The following DGLUCY variants were observed in gnomAD, a reference collection of about 807,000 sequenced individuals.
The protein encoded by DGLUCY is D-glutamate cyclase, mitochondrial.
Under a neutral mutation model 58.5 loss-of-function variants are expected in DGLUCY, and 58 were observed. That is an observed-to-expected ratio of 0.99 (90% CI 0.80 to 1.23). The LOEUF (loss-of-function observed/expected upper bound fraction) is 1.23, where lower values mean the gene tolerates loss of function less well. Among genes scored for constraint, DGLUCY ranks in the 50% most tolerant of loss-of-function variants. The pLI is 0.00. For missense variants in DGLUCY, 779 were observed against 784.7 expected, an observed-to-expected ratio of 0.99 and a Z score of 0.09; for synonymous variants, 325 against 314.1, an observed-to-expected ratio of 1.03 and a Z score of -0.37.
intron 1 of DGLUCY, among the ~76,000 whole-genome samples, chr14:91,115,657 G>C (rs1222489112): frequency 1.3e-5 from 2 of 152,144 alleles, no homozygotes; most frequent in South Asian, 2.1e-4. Context: ...CCATCCATCC[G>C]GCCTGGCCTC....
chr14:91,096,430 G>A (rs1387558946), intron 1 of DGLUCY, among the ~76,000 whole-genome samples: 2 of 141,714 alleles, frequency 1.4e-5, no homozygotes, highest in African/African-American at 5.1e-5. Flanking sequence ...TCAGGGCCGG[G>A]GGTGGGAAGG....
chr14:91,133,048 C>T (rs1030996669), intron 1 of DGLUCY, among the ~76,000 whole-genome samples: 3 of 152,018 alleles, frequency 2.0e-5, no homozygotes, highest in African/African-American at 4.8e-5. Flanking sequence ...AATCCCAGCA[C>T]TTTGGAAGGC....
upstream of DGLUCY, among the ~76,000 whole-genome samples, chr14:91,104,310 C>T (rs1302202306): frequency 6.6e-6 from 1 of 151,930 alleles, no homozygotes; most frequent in Non-Finnish European, 1.5e-5. Flanking sequence ...GATCCGCCCT[C>T]CTCGGCCTCC....
At chr14:91,165,884 G>A (rs1161564588) in intron 3 of DGLUCY, among the ~76,000 whole-genome samples, 1 of 152,184 alleles carries the variant, frequency 6.6e-6, no homozygotes, top group Non-Finnish European at 1.5e-5. Flanking sequence ...ATGCATGTTT[G>A]TGGCATTAAA....
chr14:91,152,382 G>A (rs1008876060), intron 1 of DGLUCY, among the ~76,000 whole-genome samples: 2 of 152,068 alleles, frequency 1.3e-5, no homozygotes, highest in African/African-American at 2.4e-5. Flanking sequence ...TGATGACAGA[G>A]CAAGACCCTG....
intron 1 of DGLUCY, among the ~76,000 whole-genome samples, chr14:91,068,706 A>G (rs1049662309): frequency 6.6e-6 from 1 of 152,020 alleles, no homozygotes; most frequent in East Asian, 1.9e-4. Context: ...AGATATTTGG[A>G]CTCCCTCTCT....
intron 3 of DGLUCY, among the ~76,000 whole-genome samples, chr14:91,166,587 C>T (rs1015923000): frequency 6.6e-6 from 1 of 152,038 alleles, no homozygotes; most frequent in Non-Finnish European, 1.5e-5. Context: ...ATCACTTGAA[C>T]CCAGGAGGCA....
intron 7 of DGLUCY, among the ~76,000 whole-genome samples, chr14:91,179,487 C>T (rs867058295): frequency 2.6e-5 from 4 of 152,022 alleles, no homozygotes; most frequent in Middle Eastern, 3.4e-3. Flanking sequence ...TGCGGTGGCT[C>T]ACGCCTGTAA....
rs993239550 is a variant in DGLUCY, at chr14:91,060,740, A to G, written c.-82+36A>G. ...CATTCGAGCCGCCTTCGCTGATTGG[A>G]CACAGGGCGCGCGCGTCTGCCAACG... is the stretch of plus-strand genomic sequence containing the variant. On this transcript the variant is annotated intron_variant, in intron 1 of 4. Coordinates refer to the DGLUCY transcript ENST00000521334. The G allele has an allele frequency of 1.2e-5, 3 of 258,822 alleles. No individual in the cohort carries two copies. The East Asian group carries it at 2.0e-4, about 17-fold the overall frequency. 16.0% of individuals were successfully genotyped at this position (258,822 alleles called of 1,614,324 possible). A position where few individuals can be genotyped will look rare whatever the true frequency, so the allele number is the denominator to read the frequency against.
chr14:91,064,193 A>C (rs1297059416), intron 1 of DGLUCY, among the ~76,000 whole-genome samples: 2 of 152,202 alleles, frequency 1.3e-5, no homozygotes, highest in African/African-American at 4.8e-5. Flanking sequence ...TCAAGAGTTT[A>C]ATTTTGAGAC....
intron 9 of DGLUCY, among the ~76,000 whole-genome samples, chr14:91,195,992 G>A (rs1248124709): frequency 6.6e-6 from 1 of 152,108 alleles, no homozygotes; most frequent in African/African-American, 2.4e-5. Flanking sequence ...TTATCACATG[G>A]AATTGTTGTA....
At chr14:91,066,869 A>G (rs888843117) in intron 1 of DGLUCY, among the ~76,000 whole-genome samples, 2 of 151,834 alleles carry the variant, frequency 1.3e-5, no homozygotes, top group African/African-American at 4.8e-5. Context: ...TCACGAGGTC[A>G]GGAGATCGAG....
intron 13 of DGLUCY, among the ~76,000 whole-genome samples, chr14:91,221,891 C>G (rs1887574306): frequency 6.6e-6 from 1 of 152,080 alleles, no homozygotes; most frequent in Non-Finnish European, 1.5e-5. Flanking sequence ...GAAGGCACCC[C>G]ACTTTGAGCG....
At chr14:91,171,115 T>G (rs539996738) in intron 5 of DGLUCY, among the ~76,000 whole-genome samples, 20 of 152,222 alleles carry the variant, frequency 1.3e-4, no homozygotes, top group Non-Finnish European at 2.2e-4. Context: ...CAGCACCCTT[T>G]GTAGGAGGTG....
intron 4 of DGLUCY, 180 bp downstream of exon 4, chr14:91,167,558 C>T (rs763926057): frequency 2.5e-6 from 2 of 804,980 alleles, no homozygotes; most frequent in Admixed American, 2.0e-5. Flanking sequence ...CTGACTCCTT[C>T]CCCTATCACC....
chr14:91,074,433 G>A (rs1281587244), intron 1 of DGLUCY, among the ~76,000 whole-genome samples: 3 of 151,532 alleles, frequency 2.0e-5, no homozygotes, highest in Non-Finnish European at 2.9e-5. Context: ...GAGCTATGAT[G>A]TGGTCTCATT....
intron 1 of DGLUCY, among the ~76,000 whole-genome samples, chr14:91,153,590 G>C (rs967580314): frequency 4.6e-5 from 7 of 152,188 alleles, no homozygotes; most frequent in Non-Finnish European, 8.8e-5. Flanking sequence ...GAACTGAAAG[G>C]AAAAGAGGAA....
intron 6 of DGLUCY, 134 bp from the exon 7 acceptor site, chr14:91,175,800 C>A: frequency 1.9e-6 from 2 of 1,031,186 alleles, no homozygotes; most frequent in Non-Finnish European, 1.4e-6. Context: ...TCTCCTTCAC[C>A]TCTTCCTCAA....
chr14:91,115,466 C>G (rs994971034), intron 1 of DGLUCY, among the ~76,000 whole-genome samples: 2 of 152,162 alleles, frequency 1.3e-5, no homozygotes, highest in Admixed American at 1.3e-4. Context: ...CTGTGTCGCC[C>G]AGGCTGGAGT....
Sources: gnomAD v4.1 joint callset for allele counts (sites outside exome capture counted in the v4.1 genomes callset) on GRCh38, gnomAD v4.1.1 for gene constraint, MANE v1.5 for transcripts, NCBI Gene and HGNC (gene_info 2026-07-23, HGNC 2026-07-21) for gene names.